ZNF69: variants seen among roughly 807,000 people sequenced by gnomAD.
ZNF69 encodes the protein zinc finger protein 69.
ZNF69 carries 47 observed loss-of-function variants against 50.9 expected under a neutral mutation model. The ratio of observed to expected loss-of-function variants is 0.92; its 90% CI spans 0.73 to 1.18. ZNF69 has a LOEUF of 1.18. ZNF69 is among the 50% of genes most tolerant of loss of function. ZNF69 has a pLI of 0.00. For synonymous variants in ZNF69, 216 were observed against 223.1 expected (o/e 0.97, Z 0.29); for missense variants, 717 against 675.1 (o/e 1.06, Z -0.69).
At chr19:11,974,619 G>T in the ZNF69 span, among the ~76,000 whole-genome samples, 2 of 136,562 alleles carry the variant, frequency 1.5e-5, no homozygotes, top group African/African-American at 5.6e-5. Context: ...GGGCGGGGGG[G>T]TGGGGTGTAA....
downstream of ZNF69, among the ~76,000 whole-genome samples, chr19:11,914,600 A>G (rs1972505223): frequency 6.6e-6 from 1 of 152,238 alleles, no homozygotes; most frequent in Admixed American, 6.5e-5. Context: ...TAACTTGTCA[A>G]CAGCCTGCTT....
At chr19:11,889,602 A>T (rs957935921) in intron 1 of ZNF69, among the ~76,000 whole-genome samples, 21 of 152,328 alleles carry the variant, frequency 1.4e-4, no homozygotes, top group Admixed American at 4.6e-4. Flanking sequence ...AGTAGCTGGG[A>T]TTACAGGCAC....
At chr19:11,973,502 A>G in the ZNF69 span, among the ~76,000 whole-genome samples, 22 of 152,128 alleles carry the variant, frequency 1.4e-4, no homozygotes, top group South Asian at 1.4e-3. Context: ...CTTGTGAGCC[A>G]CCACGTTCGG....
chr19:11,949,200 C>G, the ZNF69 span: 1 of 1,612,908 alleles, frequency 6.2e-7, no homozygotes, highest in Non-Finnish European at 8.5e-7. Context: ...GCTATAAATG[C>G]AAGCAATGTG....
chr19:11,953,327 A>G, the ZNF69 span: 1 of 152,274 alleles, frequency 6.6e-6, no homozygotes, highest in Non-Finnish European at 1.5e-5. Flanking sequence ...ATTGGCCTAG[A>G]CTACGGGGGT....
At chr19:11,948,053 T>C in the ZNF69 span, among the ~76,000 whole-genome samples, 1 of 152,172 alleles carries the variant, frequency 6.6e-6, no homozygotes, top group Non-Finnish European at 1.5e-5. Flanking sequence ...TAAAATAGTT[T>C]ACATGGGAAT....
At chr19:11,915,811 C>T (rs184454397), downstream of ZNF69, among the ~76,000 whole-genome samples, 3 of 152,048 alleles carry the variant, frequency 2.0e-5, no homozygotes, top group African/African-American at 4.8e-5. Context: ...GGCTGAGGCA[C>T]GAGAGTAGCT....
At chr19:11,962,096 A>G in the ZNF69 span, among the ~76,000 whole-genome samples, 1 of 152,134 alleles carries the variant, frequency 6.6e-6, no homozygotes. Flanking sequence ...ATTAAGGCGT[A>G]AGAAACTGTG....
chr19:11,916,824 T>C (rs138672056), downstream of ZNF69, among the ~76,000 whole-genome samples: 320 of 152,054 alleles, frequency 2.1e-3, 5 homozygotes, highest in African/African-American at 6.8e-3. Flanking sequence ...GCTTGTTTCA[T>C]TGTAGTAAGG....
At chr19:11,925,978 T>C in the ZNF69 span, among the ~76,000 whole-genome samples, 228 of 151,962 alleles carry the variant, frequency 1.5e-3, 1 homozygote, top group East Asian at 0.022. Context: ...GCAGAAAGGG[T>C]GGGACCTGTG....
At chr19:11,948,616 G>A in the ZNF69 span, 14 of 1,610,954 alleles carry the variant, frequency 8.7e-6, no homozygotes, top group African/African-American at 1.3e-5. Flanking sequence ...TGCTTGTAAA[G>A]TCTGTGGAAA....
chr19:11,947,336 T>C, the ZNF69 span: 1 of 1,612,708 alleles, frequency 6.2e-7, no homozygotes, highest in East Asian at 2.2e-5. Flanking sequence ...CTTCCGTCAG[T>C]GCATTAGCAA....
chr19:11,901,978 C>CTTTTTTTT (rs58505422), intron 1 of ZNF69, among the ~76,000 whole-genome samples: 8 of 119,080 alleles, frequency 6.7e-5, no homozygotes, highest in African/African-American at 1.0e-4. Flanking sequence ...ATGTTATTTT[C>CTTTTTTTT]TTTTTTTTTT....
chr19:11,890,398 A>C (rs1977056669), intron 1 of ZNF69, among the ~76,000 whole-genome samples: 1 of 152,248 alleles, frequency 6.6e-6, no homozygotes, highest in Non-Finnish European at 1.5e-5. Context: ...ACATATTGTT[A>C]ACAAGGCACA....
the ZNF69 span, among the ~76,000 whole-genome samples, chr19:11,942,771 T>C: frequency 3.9e-5 from 6 of 152,136 alleles, no homozygotes; most frequent in African/African-American, 1.4e-4. Context: ...AGGTCAGGAG[T>C]TGATTTTTAA....
At chr19:11,969,265 C>T in the ZNF69 span, among the ~76,000 whole-genome samples, 2,879 of 152,222 alleles carry the variant, frequency 0.019, 36 homozygotes, top group African/African-American at 0.026. Context: ...CCACCACACT[C>T]GGCTAATTTT....
At chr19:11,948,875 A>G in the ZNF69 span, 1 of 1,603,266 alleles carries the variant, frequency 6.2e-7, no homozygotes, top group Non-Finnish European at 8.5e-7. Flanking sequence ...AGCAAATGTG[A>G]TAAAGCATTT....
the ZNF69 span, among the ~76,000 whole-genome samples, chr19:11,951,461 C>T: frequency 1.3e-5 from 2 of 152,040 alleles, no homozygotes; most frequent in African/African-American, 4.8e-5. Flanking sequence ...AAACTCCGGA[C>T]CTCGTGATCT....
At chr19:11,964,801 A>G in the ZNF69 span, among the ~76,000 whole-genome samples, 1 of 152,178 alleles carries the variant, frequency 6.6e-6, no homozygotes, top group Non-Finnish European at 1.5e-5. Flanking sequence ...GTGTTCTCTT[A>G]TATCTGTAGC....
Sources: allele counts gnomAD v4.1 joint callset (sites outside exome capture counted in the v4.1 genomes callset), GRCh38; gene constraint gnomAD v4.1.1; transcripts MANE v1.5; gene names NCBI Gene and HGNC (gene_info 2026-07-23, HGNC 2026-07-21).